NUP133: variants seen among roughly 807,000 people sequenced by gnomAD.
The protein encoded by NUP133 is nucleoporin 133, also known as nuclear pore complex protein Nup133.
In NUP133, 66 loss-of-function variants were observed where a neutral mutation model predicts 146.2. The observed-to-expected ratio is 0.45, with a 90% CI of 0.37 to 0.55. The LOEUF (loss-of-function observed/expected upper bound fraction) is 0.55, where lower values mean the gene tolerates loss of function less well. Among genes scored for constraint, NUP133 ranks in the 20% least tolerant of loss-of-function variants. The pLI, the probability that NUP133 is intolerant of heterozygous loss-of-function variation, is 0.00. For synonymous variants in NUP133, 521 were observed against 498.8 expected (o/e 1.04, Z -0.59); for missense variants, 1,277 against 1,374.8 (o/e 0.93, Z 1.12).
chr1:229,464,859 A>C lies in NUP133; in HGVS notation c.2316T>G (p.Gly772=). 6.2e-7 allele frequency: 1 copy of C among 1,614,148 alleles called. No individual in the cohort carries two copies. Among genetic ancestry groups the C allele is most frequent in the South Asian group, 1.1e-5 (1 of 91,080 alleles). The change falls in exon 18 of 26, where the codon GGT becomes GGG. Residue 772 remains glycine (G), a synonymous_variant. Coordinates refer to ENST00000261396, the MANE Select transcript of NUP133 (RefSeq NM_018230.3). ...YVPWTATSGP[G]GIRTVIIRQH... is the part of the protein sequence containing the mutation. Reference sequence around the variant, plus strand: ...GGCGTATTATTACCGTTCGGATGCCACCAGGACCACTTGTTGCTGTGAAAT... The same window carrying C: ...GGCGTATTATTACCGTTCGGATGCCCCCAGGACCACTTGTTGCTGTGAAAT...
intron 15 of NUP133, among the ~76,000 whole-genome samples, chr1:229,467,451 G>C (rs949466658): frequency 2.6e-5 from 4 of 152,168 alleles, no homozygotes; most frequent in African/African-American, 9.7e-5. Context: ...GAAGGAACAA[G>C]TTATATAGGC....
intron 12 of NUP133, among the ~76,000 whole-genome samples, chr1:229,479,552 G>A (rs1337469914): frequency 6.6e-6 from 1 of 152,272 alleles, no homozygotes; most frequent in Admixed American, 6.5e-5. Flanking sequence ...GGGTAAGGGG[G>A]AACAACTGTA....
At chr1:229,464,919 G>A in intron 17 of NUP133, 44 bp from the exon 18 acceptor site, 1 of 1,604,878 alleles carries the variant, frequency 6.2e-7, no homozygotes, top group Non-Finnish European at 8.5e-7. Context: ...AAGGGATCTA[G>A]TGATGGCTAA....
At chr1:229,445,533 G>A (rs1660284636) in intron 24 of NUP133, among the ~76,000 whole-genome samples, 2 of 152,118 alleles carry the variant, frequency 1.3e-5, no homozygotes, top group Admixed American at 6.6e-5. Flanking sequence ...TTCCCAGGCT[G>A]GTCTTGAACT....
Position 229,502,070 on chromosome 1 carries a change from C to T in NUP133, c.334G>A (p.Gly112Ser). ...TTGCACACCAGACAAGCCCATCCACCTTCATCTATGTTAATGGTCAGCTGG... is the reference window on the plus strand; with the variant it reads ...TTGCACACCAGACAAGCCCATCCACTTTCATCTATGTTAATGGTCAGCTGG... ...DDQLTINIDE[G>S]GWACLVCKEK... The change falls in exon 3 of 26, where the codon GGT becomes AGT. Residue 112 changes from glycine (G) to serine (S), a missense_variant. By Grantham distance (56) the Gly-to-Ser change is moderately conservative. This residue lies in a region of NUP133 where 319 missense variants were observed against 306.9 expected (regional missense o/e 1.04). Coordinates refer to ENST00000261396, the MANE Select transcript of NUP133 (RefSeq NM_018230.3). 1 of 1,613,966 alleles carries T rather than the reference C, an allele frequency of 6.2e-7. No individual in the cohort carries two copies. Among genetic ancestry groups the T allele is most frequent in the African/African-American group, 1.3e-5 (1 of 75,014 alleles).
rs117742389 is a variant in NUP133 at position 229,463,468 on chromosome 1, A to C, written c.2685+75T>G. ...ATCATATTCCAAAAGCCCTGATTAC[A>C]GATTTGAAATGGCAAAGCCATTTCA... On this transcript the variant is annotated intron_variant, in intron 19 of 25. Transcript: ENST00000261396. 6 of 1,473,662 alleles carry C rather than the reference A, an allele frequency of 4.1e-6. No homozygotes were observed. The East Asian group carries it at 1.4e-4, about 35-fold the overall frequency. 91.3% of individuals were successfully genotyped at this position (1,473,662 alleles called of 1,614,324 possible).
At chr1:229,465,259 G>C (rs889208756) in intron 17 of NUP133, among the ~76,000 whole-genome samples, 161 bp downstream of exon 17, 8 of 152,322 alleles carry the variant, frequency 5.3e-5, no homozygotes, top group Non-Finnish European at 8.8e-5. Context: ...ATAAATAAGA[G>C]CAAGGGACGA....
intron 14 of NUP133, among the ~76,000 whole-genome samples, chr1:229,474,496 C>G (rs1661030337): frequency 6.6e-6 from 1 of 151,898 alleles, no homozygotes. Flanking sequence ...AAACCATGCA[C>G]AAAATTGAAA....
intron 8 of NUP133, among the ~76,000 whole-genome samples, chr1:229,494,683 G>A (rs1019071700): frequency 2.6e-5 from 4 of 152,182 alleles, no homozygotes; most frequent in African/African-American, 9.7e-5. Flanking sequence ...CTGTTTCTAA[G>A]AGGAAATTTA....
At position 229,469,888 on chromosome 1, in the gene NUP133, T is replaced by C. The variant is rs556481534; in HGVS notation, c.2076+692A>G. Among the ~76,000 whole-genome samples, 4 of 152,280 alleles carry C rather than the reference T, an allele frequency of 2.6e-5. No individual in the cohort carries two copies. The South Asian group carries it at 8.3e-4, about 32-fold the overall frequency. On this transcript the variant is annotated intron_variant, in intron 15 of 25. Coordinates refer to ENST00000261396, the MANE Select transcript of NUP133 (RefSeq NM_018230.3). ...TAAAAATACAAAAATTAGCTGGGCATGGTGGCACATGCCTGTAGTCCCAGC... is the reference window on the plus strand; with the variant it reads ...TAAAAATACAAAAATTAGCTGGGCACGGTGGCACATGCCTGTAGTCCCAGC...
chr1:229,445,947 A>G (rs962711931), intron 24 of NUP133, among the ~76,000 whole-genome samples: 3 of 152,230 alleles, frequency 2.0e-5, no homozygotes, highest in Non-Finnish European at 4.4e-5. Flanking sequence ...GAAAATTGTG[A>G]GTAGGAGAAG....
At position 229,441,053 on chromosome 1, in the gene NUP133, T is replaced by C. The variant is rs1404546039; in HGVS notation, c.*851A>G. The C allele has an allele frequency of 5.5e-6, 1 of 181,554 alleles. No homozygotes were observed. The highest frequency in any genetic ancestry group is 1.2e-5 in the Non-Finnish European group (1 of 85,322). 11.2% of individuals were successfully genotyped at this position (181,554 alleles called of 1,614,324 possible). On this transcript the variant is annotated 3_prime_UTR_variant, in exon 26 of 26. Coordinates refer to ENST00000261396, the MANE Select transcript of NUP133 (RefSeq NM_018230.3). ...AACATTGAGTGAGTGATGACACTGG[T>C]CAGGACAAAGCTCTGAGAGTACAGT...
chr1:229,456,743 G>GTATATATA (rs35686668), intron 21 of NUP133, among the ~76,000 whole-genome samples: 1 of 149,792 alleles, frequency 6.7e-6, no homozygotes, highest in African/African-American at 2.5e-5. Flanking sequence ...TGTGTATTGT[G>GTATATATA]TATATATATA....
intron 24 of NUP133, among the ~76,000 whole-genome samples, chr1:229,446,720 C>T (rs946080642): frequency 3.4e-5 from 5 of 146,538 alleles, no homozygotes; most frequent in Middle Eastern, 3.7e-3. Flanking sequence ...GGCAACACAG[C>T]CAGACTCCAT....
intron 9 of NUP133, among the ~76,000 whole-genome samples, chr1:229,489,036 ACTG>A (rs1361738719): frequency 6.6e-6 from 1 of 152,238 alleles, no homozygotes; most frequent in African/African-American, 2.4e-5. Flanking sequence ...ACTACAGAAC[ACTG>A]CTGAATACAA....
chr1:229,508,094 G>C lies in NUP133; in HGVS notation c.156C>G (p.Val52=). 2 of 1,504,922 alleles carry C rather than the reference G, an allele frequency of 1.3e-6. No individual in the cohort carries two copies. Among genetic ancestry groups the C allele is most frequent in the Non-Finnish European group, 1.8e-6 (2 of 1,124,906 alleles). 93.2% of individuals were successfully genotyped at this position (1,504,922 alleles called of 1,614,324 possible). ...GCGAGCTTAGCGAGCTACGCCGGCC[G>C]ACCGGCGAGAAGAGCACTGGGGAGC... ...AVSSPVLFSP[V]GRRSSLSSRG... Residue 52 remains valine, a synonymous_variant, in exon 1 of 26, where the codon GTC becomes GTG. Transcript: ENST00000261396.
chr1:229,480,382 G>A (rs1482362207), intron 12 of NUP133, among the ~76,000 whole-genome samples: 1 of 152,078 alleles, frequency 6.6e-6, no homozygotes, highest in African/African-American at 2.4e-5. Flanking sequence ...CACGCTACAG[G>A]TTATGAAAAT....
chr1:229,499,808 A>T lies in NUP133; in HGVS notation c.524T>A (p.Val175Asp). ...GEAHSTQAVA[V>D]MVATREGSIR... Reference sequence around the variant, plus strand: ...AGATCCTTCTCTGGTGGCAACCATGACAGCAACAGCCTCAAAACAAGATCA... The same window carrying T: ...AGATCCTTCTCTGGTGGCAACCATGTCAGCAACAGCCTCAAAACAAGATCA... Residue 175 changes from valine (V) to aspartate (D), a missense_variant, in exon 5 of 26, where the codon GTC becomes GAC. Val to Asp is a radical substitution (Grantham distance 152, BLOSUM62 -3). This residue lies in a region of NUP133 where 319 missense variants were observed against 306.9 expected (regional missense o/e 1.04). Coordinates refer to ENST00000261396, the MANE Select transcript of NUP133 (RefSeq NM_018230.3). 6.2e-7 allele frequency: 1 copy of T among 1,613,426 alleles called. No individual in the cohort carries two copies. Among genetic ancestry groups the T allele is most frequent in the Non-Finnish European group, 8.5e-7 (1 of 1,179,646 alleles).
At chr1:229,502,198 GACT>G (rs1282276513) in intron 2 of NUP133, 96 bp from the exon 3 acceptor site, 5 of 817,092 alleles carry the variant, frequency 6.1e-6, no homozygotes, top group South Asian at 1.5e-5. Flanking sequence ...ACTCAGAAAC[GACT>G]ACCTCACAAC....
Sources: allele counts gnomAD v4.1 joint callset (sites outside exome capture counted in the v4.1 genomes callset), GRCh38; gene constraint gnomAD v4.1.1; regional missense constraint gnomAD v4.1.1; transcripts MANE v1.5; gene names NCBI Gene and HGNC (gene_info 2026-07-23, HGNC 2026-07-21).